Variants in BSDC1 observed in about 807,000 individuals in gnomAD.
BSDC1 encodes the protein BSD domain containing 1, also known as BSD domain-containing protein 1.
In BSDC1, 29 loss-of-function variants were observed where a neutral mutation model predicts 56.0. That is an observed-to-expected ratio of 0.52 (90% CI 0.39 to 0.71). The LOEUF (loss-of-function observed/expected upper bound fraction) is 0.71. BSDC1 is among the 30% of genes least tolerant of loss of function. BSDC1 has a pLI of 0.00. For missense variants in BSDC1, 477 were observed against 548.5 expected, an observed-to-expected ratio of 0.87 and a Z score of 1.30; for synonymous variants, 210 against 215.3, an observed-to-expected ratio of 0.98 and a Z score of 0.21.
Position 32,380,988 on chromosome 1 carries a change from G to A in BSDC1, c.412+226C>T, listed in dbSNP as rs140430995. Among the ~76,000 whole-genome samples, 677 of 152,256 alleles carry A rather than the reference G, an allele frequency of 4.4e-3. 7 individuals are homozygous for A. The highest frequency in any genetic ancestry group is 0.015 in the African/African-American group (641 of 41,532). On this transcript the variant is annotated intron_variant, in intron 5 of 10. Coordinates refer to ENST00000455895, the MANE Select transcript of BSDC1 (RefSeq NM_018045.8). ...GAGGGAGGCTGAGCTGAGGATGAGGGATGAGAGGGGCCAAGTCCCTGCAGG... is the reference window on the plus strand; with the variant it reads ...GAGGGAGGCTGAGCTGAGGATGAGGAATGAGAGGGGCCAAGTCCCTGCAGG...
intron 9 of BSDC1, among the ~76,000 whole-genome samples, chr1:32,370,598 T>C (rs1253483823): frequency 6.6e-6 from 1 of 151,540 alleles, no homozygotes; most frequent in Non-Finnish European, 1.5e-5. Flanking sequence ...GGTCAGAAGA[T>C]CGAGACCACC....
In BSDC1 at chr1:32,381,236, T is replaced by C. The variant is rs1030451268; in HGVS notation, c.390A>G (p.Ala130=). 9.3e-6 allele frequency: 15 copies of C among 1,613,644 alleles called. No individual in the cohort carries two copies. Among genetic ancestry groups the C allele is most frequent in the African/African-American group, 1.3e-5 (1 of 74,900 alleles). Reference sequence around the variant, plus strand: ...CACCATCTGGTTCATTACAGTAGGTTGCTGGGTCCGACTGCAGGCTATAGA... The same window carrying C: ...CACCATCTGGTTCATTACAGTAGGTCGCTGGGTCCGACTGCAGGCTATAGA... ...ARLYSLQSDP[A]TYCNEPDGPP... is the part of the protein sequence containing the mutation. Residue 130 remains alanine, a synonymous_variant, in exon 5 of 11, where the codon GCA becomes GCG. Transcript: ENST00000455895.
At chr1:32,394,172 C>T in intron 1 of BSDC1, 32 bp from the exon 2 acceptor site, 1 of 1,599,236 alleles carries the variant, frequency 6.3e-7, no homozygotes, top group East Asian at 2.3e-5. Context: ...GGCAGCACCG[C>T]GGTGCGATTC....
chr1:32,372,410 T>G (rs1371151100), intron 9 of BSDC1, among the ~76,000 whole-genome samples: 1 of 152,242 alleles, frequency 6.6e-6, no homozygotes, highest in African/African-American at 2.4e-5. Context: ...CTCTAGGGAC[T>G]TGAAACTGTC....
At chr1:32,383,579 A>C (rs935275146) in intron 4 of BSDC1, among the ~76,000 whole-genome samples, 3 of 152,212 alleles carry the variant, frequency 2.0e-5, no homozygotes, top group Non-Finnish European at 4.4e-5. Flanking sequence ...ATCTTTACCT[A>C]TGTTTATAAA....
intron 9 of BSDC1, among the ~76,000 whole-genome samples, chr1:32,369,531 C>T (rs569139414): frequency 2.0e-5 from 3 of 152,046 alleles, no homozygotes; most frequent in African/African-American, 4.8e-5. Flanking sequence ...AACCTCCCCT[C>T]GGACCCCCAA....
At chr1:32,380,310 CT>C in intron 5 of BSDC1, among the ~76,000 whole-genome samples, 2 of 152,310 alleles carry the variant, frequency 1.3e-5, no homozygotes, top group Non-Finnish European at 2.9e-5. Context: ...CTCTTCCCGA[CT>C]TCTCATAGTG....
chr1:32,378,857 C>G lies in BSDC1; in HGVS notation c.413-18G>C. 1.4e-6 allele frequency: 2 copies of G among 1,455,948 alleles called. No individual in the cohort carries two copies. Among genetic ancestry groups the G allele is most frequent in the Non-Finnish European group, 1.8e-6 (2 of 1,095,810 alleles). The allele number at this position is 1,455,948 out of a possible 1,614,324, so 90.2% of individuals were successfully genotyped here. On this transcript the variant is annotated intron_variant, in intron 5 of 10. Transcript: ENST00000455895. This position sits in a 1 kb window ranked among gnomAD's most constrained non-coding sequence, Gnocchi z 5.2. ...CGGGGGCCCTGCAGAGGGACAGATG[C>G]TGACGGTCAGTTGCCTTGGTCTGGG...
chr1:32,376,396 C>T lies in BSDC1; in HGVS notation c.1022G>A (p.Gly341Asp), dbSNP rs1244682034. The T allele has an allele frequency of 3.7e-6, 6 of 1,613,662 alleles. No individual in the cohort carries two copies. The Admixed American group carries it at 1.0e-4, about 27-fold the overall frequency. The part of the protein sequence containing the change: ...PIHSKPLTPA[G>D]HTGGPEPRPP... ...CCTGGGCTCTGGGCCGCCGGTGTGG[C>T]CAGCAGGCGTTAGGGGCTTGGAGTG... The change falls in exon 9 of 11, where the codon GGC (glycine) becomes GAC (aspartate). Residue 341 changes from glycine (G) to aspartate (D), a missense_variant. Physicochemically the swap from Gly to Asp is moderately conservative, Grantham distance 94 (BLOSUM62 -1). Transcript: ENST00000455895.
intron 10 of BSDC1, 55 bp downstream of exon 10, chr1:32,368,384 GGGAGAGCT>G: frequency 6.2e-7 from 1 of 1,614,110 alleles, no homozygotes; most frequent in Non-Finnish European, 8.5e-7. Context: ...GGGCTGGCTG[GGGAGAGCT>G]CTCACACCCA....
At chr1:32,388,824 C>T (rs924611324) in intron 2 of BSDC1, among the ~76,000 whole-genome samples, 1 of 152,186 alleles carries the variant, frequency 6.6e-6, no homozygotes, top group Non-Finnish European at 1.5e-5. Context: ...TCTGTAAACA[C>T]GATGAAGGAA....
chr1:32,388,422 C>T (rs903347679), intron 2 of BSDC1, among the ~76,000 whole-genome samples: 8 of 151,976 alleles, frequency 5.3e-5, no homozygotes, highest in African/African-American at 1.7e-4. Context: ...GGTCATTTAC[C>T]GATTCACTCT....
intron 9 of BSDC1, among the ~76,000 whole-genome samples, chr1:32,375,274 G>A (rs1642239051): frequency 6.6e-6 from 1 of 152,108 alleles, no homozygotes; most frequent in Admixed American, 6.5e-5. Flanking sequence ...GGTTAGGGGT[G>A]GGGTGGGGTC....
chr1:32,377,941 C>T (rs1642351641), intron 8 of BSDC1, 29 bp downstream of exon 8: 2 of 1,595,332 alleles, frequency 1.3e-6, no homozygotes, highest in South Asian at 1.1e-5. Context: ...AGATGTGACA[C>T]TTGCCCCTCA....
intron 9 of BSDC1, among the ~76,000 whole-genome samples, chr1:32,371,087 A>T (rs1642064588): frequency 6.6e-6 from 1 of 152,088 alleles, no homozygotes; most frequent in Non-Finnish European, 1.5e-5. Flanking sequence ...TATATATAAA[A>T]GTTATTACTA....
chr1:32,367,446 C>A, intron 10 of BSDC1: 1 of 985,394 alleles, frequency 1.0e-6, no homozygotes, highest in Non-Finnish European at 1.2e-6. Flanking sequence ...AAAATACTCC[C>A]CCAAGGCTTC....
At chr1:32,389,184 G>C (rs1047541905) in intron 2 of BSDC1, among the ~76,000 whole-genome samples, 4 of 152,056 alleles carry the variant, frequency 2.6e-5, no homozygotes, top group Admixed American at 1.3e-4. Flanking sequence ...TCGATCTCCT[G>C]ACCTCATGAT....
At chr1:32,386,250 C>T (rs548137397) in intron 3 of BSDC1, among the ~76,000 whole-genome samples, 13 of 143,126 alleles carry the variant, frequency 9.1e-5, no homozygotes, top group Non-Finnish European at 1.5e-4. Flanking sequence ...ACCCGGGAGG[C>T]GGAGCTTGCA....
At chr1:32,392,436 T>A (rs1642899073) in intron 2 of BSDC1, among the ~76,000 whole-genome samples, 2 of 151,846 alleles carry the variant, frequency 1.3e-5, no homozygotes, top group Admixed American at 1.3e-4. Flanking sequence ...CATAAACAAC[T>A]CCCACCTCCA....
Sources: gnomAD v4.1 joint callset for allele counts (sites outside exome capture counted in the v4.1 genomes callset) on GRCh38, gnomAD v4.1.1 for gene constraint, Gnocchi (gnomAD v3.1) non-coding constraint, MANE v1.5 for transcripts, NCBI Gene and HGNC (gene_info 2026-07-23, HGNC 2026-07-21) for gene names.